JAKMIP3: variants seen among roughly 807,000 people sequenced by gnomAD.
JAKMIP3 encodes janus kinase and microtubule-interacting protein 3.
JAKMIP3 carries 58 observed loss-of-function variants against 118.5 expected under a neutral mutation model. The ratio of observed to expected loss-of-function variants is 0.49; its 90% CI spans 0.40 to 0.61. The LOEUF (loss-of-function observed/expected upper bound fraction) is 0.61, where lower values mean the gene tolerates loss of function less well. Ranked by LOEUF, JAKMIP3 falls within the 20% of genes least tolerant of loss-of-function variation. The pLI is 0.00. For missense variants in JAKMIP3, 950 were observed against 1,109.0 expected (o/e 0.86, Z 2.04); for synonymous variants, 486 against 451.2 (o/e 1.08, Z -0.98).
intron 13 of JAKMIP3, among the ~76,000 whole-genome samples, chr10:132,146,365 G>C (rs2054615003): frequency 6.6e-6 from 1 of 152,120 alleles, no homozygotes; most frequent in Admixed American, 6.5e-5. Flanking sequence ...AGCACCGAGG[G>C]CCCTAGACTT....
intron 23 of JAKMIP3, 146 bp from the exon 24 acceptor site, chr10:132,182,211 G>A (rs1179185789): frequency 6.6e-6 from 1 of 152,368 alleles, no homozygotes; most frequent in Non-Finnish European, 1.5e-5. Flanking sequence ...ACCCATGAGG[G>A]CAGTGCCTGC....
At chr10:132,094,088 C>T (rs1286864290) in intron 1 of JAKMIP3, among the ~76,000 whole-genome samples, 1 of 152,100 alleles carries the variant, frequency 6.6e-6, no homozygotes, top group Non-Finnish European at 1.5e-5. Context: ...CAGGCTCACA[C>T]CACCATGCCC....
chr10:132,069,014 G>A (rs572939244), intron 1 of JAKMIP3, among the ~76,000 whole-genome samples: 9 of 152,274 alleles, frequency 5.9e-5, no homozygotes, highest in Admixed American at 2.6e-4. Context: ...CTTAGTGCTC[G>A]GCCTGCGGCT....
At chr10:132,128,583 GTTTTA>G (rs2050034893) in intron 3 of JAKMIP3, among the ~76,000 whole-genome samples, 2 of 151,906 alleles carry the variant, frequency 1.3e-5, no homozygotes, top group African/African-American at 4.8e-5. Flanking sequence ...GCTCTATTCT[GTTTTA>G]TTTTTCTATT....
Position 132,076,857 on chromosome 10 carries a change from G to A in JAKMIP3, c.-138+10796G>A, listed in dbSNP as rs533867709. On this transcript the variant is annotated intron_variant, in intron 1 of 23. Transcript: ENST00000684848. ...CTGCAGTGGCCCCGGATCTTACTGC[G>A]TGAGGGCTGGCCTGCGGTGTCCCCG... Among the ~76,000 whole-genome samples, 5 of 149,240 alleles carry A rather than the reference G, an allele frequency of 3.4e-5. No individual in the cohort carries two copies. In the East Asian group the frequency reaches 6.0e-4, roughly 18 times the overall value.
At chr10:132,109,144 AT>A (rs2135104900) in intron 2 of JAKMIP3, among the ~76,000 whole-genome samples, 1 of 151,350 alleles carries the variant, frequency 6.6e-6, no homozygotes, top group African/African-American at 2.4e-5. Flanking sequence ...ATATATATAT[AT>A]ATACACACAC....
At chr10:132,086,257 T>C (rs1013526438) in intron 1 of JAKMIP3, among the ~76,000 whole-genome samples, 14 of 152,234 alleles carry the variant, frequency 9.2e-5, no homozygotes, top group African/African-American at 3.4e-4. Flanking sequence ...TTAAATTTAT[T>C]GAGGCTTGTT....
intron 3 of JAKMIP3, among the ~76,000 whole-genome samples, chr10:132,122,706 A>G (rs1259425347): frequency 6.6e-6 from 1 of 152,134 alleles, no homozygotes; most frequent in Non-Finnish European, 1.5e-5. Flanking sequence ...GGGAGCCAAC[A>G]GACACCCCAG....
rs772178581 is a variant in JAKMIP3 at position 132,148,062 on chromosome 10, G to A, written c.1848+12G>A. ...TCCTGGAGCTTGAGGTAGCTGAGTG[G>A]ATGGCCAGCACTGTGGCCTGTGGCT... On this transcript the variant is annotated intron_variant, in intron 14 of 23. Coordinates refer to ENST00000684848, the MANE Select transcript of JAKMIP3 (RefSeq NM_001323087.2). 6.4e-7 allele frequency: 1 copy of A among 1,566,038 alleles called. No homozygotes were observed. Among genetic ancestry groups the A allele is most frequent in the Admixed American group, 1.8e-5 (1 of 56,744 alleles).
At chr10:132,074,606 A>C (rs2040481500) in intron 1 of JAKMIP3, among the ~76,000 whole-genome samples, 1 of 152,260 alleles carries the variant, frequency 6.6e-6, no homozygotes, top group African/African-American at 2.4e-5. Flanking sequence ...CATAGTTTGC[A>C]GATATTTTCT....
At chr10:132,115,391 C>T (rs1467452758) in intron 2 of JAKMIP3, among the ~76,000 whole-genome samples, 4 of 152,230 alleles carry the variant, frequency 2.6e-5, no homozygotes, top group Admixed American at 6.5e-5. Context: ...ATCCCACCAG[C>T]GGCCCAGAGG....
chr10:132,046,090 G>T (rs1170057269), intron 1 of JAKMIP3, among the ~76,000 whole-genome samples: 5 of 152,100 alleles, frequency 3.3e-5, no homozygotes, highest in East Asian at 3.9e-4. Flanking sequence ...AGCCTAGAAG[G>T]TTCCTGACAC....
chr10:132,097,021 G>A (rs1313378922), intron 1 of JAKMIP3, among the ~76,000 whole-genome samples: 1 of 152,260 alleles, frequency 6.6e-6, no homozygotes, highest in Non-Finnish European at 1.5e-5. Flanking sequence ...AAGGCACACA[G>A]GAGAGACGCC....
chr10:132,144,837 G>A, intron 11 of JAKMIP3: 2 of 385,940 alleles, frequency 5.2e-6, no homozygotes, highest in Non-Finnish European at 9.5e-6. Context: ...GGTGAGGTGG[G>A]AGGATCACTT....
chr10:132,073,026 T>C (rs1021901106), intron 1 of JAKMIP3, among the ~76,000 whole-genome samples: 1 of 152,234 alleles, frequency 6.6e-6, no homozygotes, highest in Non-Finnish European at 1.5e-5. Flanking sequence ...TTCTGAGTTA[T>C]TTCATTCAGG....
intron 1 of JAKMIP3, among the ~76,000 whole-genome samples, chr10:132,052,689 T>C (rs58125155): frequency 0.19 from 29,032 of 152,246 alleles, 2,832 homozygotes; most frequent in Middle Eastern, 0.28. Context: ...TTGTGCCTTT[T>C]GTTTTAATTT....
chr10:132,181,673 T>A (rs2061496200), intron 23 of JAKMIP3: 1 of 152,280 alleles, frequency 6.6e-6, no homozygotes, highest in Non-Finnish European at 1.5e-5. Context: ...TACATTTATT[T>A]TTCATTCTGT....
chr10:132,077,070 A>C (rs1262889024), intron 1 of JAKMIP3, among the ~76,000 whole-genome samples: 1 of 152,132 alleles, frequency 6.6e-6, no homozygotes, highest in African/African-American at 2.4e-5. Context: ...GGCAGCCTCC[A>C]CCCCAGCGTG....
chr10:132,114,326 C>T (rs1199145475), intron 2 of JAKMIP3, among the ~76,000 whole-genome samples: 4 of 152,258 alleles, frequency 2.6e-5, no homozygotes, highest in Admixed American at 2.6e-4. Flanking sequence ...GCAATCCTCC[C>T]ACTTCATCTT....
Sources: gnomAD v4.1 joint callset for allele counts (sites outside exome capture counted in the v4.1 genomes callset) on GRCh38, gnomAD v4.1.1 for gene constraint, MANE v1.5 for transcripts, NCBI Gene and HGNC (gene_info 2026-07-23, HGNC 2026-07-21) for gene names.